The following DPYS variants were observed in gnomAD, a reference collection of about 807,000 sequenced individuals.
DPYS encodes dihydropyrimidinase, also known as dihydropyrimidine amidohydrolase.
DPYS carries 39 observed loss-of-function variants against 50.3 expected under a neutral mutation model. The ratio of observed to expected loss-of-function variants is 0.78; its 90% CI spans 0.60 to 1.01. The LOEUF is 1.01. Ranked by LOEUF, DPYS falls within the 50% of genes least tolerant of loss-of-function variation. The pLI is 0.00. For missense variants in DPYS, 659 were observed against 680.9 expected, an observed-to-expected ratio of 0.97 and a Z score of 0.36; for synonymous variants, 245 against 250.7, an observed-to-expected ratio of 0.98 and a Z score of 0.22.
intron 1 of DPYS, among the ~76,000 whole-genome samples, chr8:104,454,844 G>C (rs543640215): frequency 2.7e-4 from 41 of 152,136 alleles, no homozygotes; most frequent in South Asian, 1.3e-3. Context: ...ATCAGGATTA[G>C]GACCTACACG....
chr8:104,438,581 C>A (rs1326984534), intron 4 of DPYS, among the ~76,000 whole-genome samples: 2 of 152,166 alleles, frequency 1.3e-5, no homozygotes, highest in Admixed American at 1.3e-4. Flanking sequence ...GTTCTCTTCT[C>A]ACTAATTGTT....
chr8:104,427,106 C>G (rs1812752086), intron 6 of DPYS, among the ~76,000 whole-genome samples: 1 of 147,670 alleles, frequency 6.8e-6, no homozygotes, highest in South Asian at 2.2e-4. Context: ...GAGGCTGAGG[C>G]AGGAGAATCA....
intron 1 of DPYS, among the ~76,000 whole-genome samples, chr8:104,458,654 C>A (rs80274300): frequency 0.2 from 31,091 of 152,086 alleles, 3,348 homozygotes; most frequent in Middle Eastern, 0.28. Flanking sequence ...CTAAAAGTCA[C>A]GAGATGGAAT....
intron 5 of DPYS, among the ~76,000 whole-genome samples, 155 bp from the exon 6 acceptor site, chr8:104,428,276 C>G (rs917500010): frequency 6.6e-6 from 1 of 152,192 alleles, no homozygotes; most frequent in African/African-American, 2.4e-5. Context: ...CATATTTCAT[C>G]CCTCTCCTGT....
At chr8:104,450,159 A>AAGGGAGGGAGGGAGGGAGGAAGGG (rs59958002) in intron 2 of DPYS, among the ~76,000 whole-genome samples, 1 of 120,454 alleles carries the variant, frequency 8.3e-6, no homozygotes, top group Non-Finnish European at 1.7e-5. Context: ...GGAAGGGAGG[A>AAGGGAGGGAGGGAGGGAGGAAGGG]AGGGAGGGAG....
intron 7 of DPYS, among the ~76,000 whole-genome samples, chr8:104,409,015 T>C (rs572818852): frequency 1.3e-5 from 2 of 151,356 alleles, no homozygotes; most frequent in East Asian, 4.0e-4. Context: ...GGTTTCACCA[T>C]GTTGGCCAGG....
chr8:104,403,868 T>C lies in DPYS; in HGVS notation c.1236-10877A>G, dbSNP rs1329499091. Among the ~76,000 whole-genome samples the C allele has an allele frequency of 2.0e-5, 3 of 152,138 alleles. No individual in the cohort carries two copies. In the South Asian group the frequency reaches 6.2e-4, roughly 32 times the overall value. The stretch of plus-strand genomic sequence containing the variant: ...ACAAAAATGGGCTGAAGCACTCCTT[T>C]AAAAGTCAGAGAGAACTTCAAGTTC... On this transcript the variant is annotated intron_variant, in intron 7 of 9. Transcript: ENST00000351513.
intron 7 of DPYS, among the ~76,000 whole-genome samples, chr8:104,416,632 C>T (rs919788827): frequency 1.3e-5 from 2 of 151,458 alleles, no homozygotes; most frequent in African/African-American, 4.9e-5. Context: ...AGCAGGAACA[C>T]AGGCTGCTGT....
chr8:104,388,558 C>A (rs1588397461), intron 8 of DPYS, among the ~76,000 whole-genome samples: 1 of 152,142 alleles, frequency 6.6e-6, no homozygotes, highest in Admixed American at 6.6e-5. Context: ...TCTTGAACAT[C>A]CAAGTTGCTC....
intron 7 of DPYS, among the ~76,000 whole-genome samples, chr8:104,422,215 A>G (rs6468927): frequency 0.7 from 105,976 of 152,148 alleles, 37,633 homozygotes; most frequent in African/African-American, 0.81. Flanking sequence ...AATTAGACTG[A>G]AGAGTCTCAC....
At chr8:104,381,766 A>T (rs147310636) in intron 8 of DPYS, among the ~76,000 whole-genome samples, 23 of 151,968 alleles carry the variant, frequency 1.5e-4, no homozygotes, top group African/African-American at 5.3e-4. Context: ...CTTCCACAGA[A>T]TCTCACCTCG....
intron 1 of DPYS, among the ~76,000 whole-genome samples, chr8:104,459,189 C>A (rs978199389): frequency 6.6e-5 from 10 of 152,178 alleles, no homozygotes; most frequent in Non-Finnish European, 1.2e-4. Context: ...GCTCACTTGT[C>A]AGCCAAGTAA....
intron 7 of DPYS, among the ~76,000 whole-genome samples, chr8:104,407,673 C>A (rs1812040790): frequency 1.3e-5 from 2 of 152,102 alleles, no homozygotes; most frequent in Non-Finnish European, 2.9e-5. Flanking sequence ...ACAACGTTTG[C>A]CATATTTTAG....
chr8:104,454,479 A>G, intron 1 of DPYS, among the ~76,000 whole-genome samples: 1 of 152,192 alleles, frequency 6.6e-6, no homozygotes, highest in East Asian at 1.9e-4. Context: ...TGTCCTATAC[A>G]CTTTAAATGG....
chr8:104,402,686 C>T (rs570337162), intron 7 of DPYS, among the ~76,000 whole-genome samples: 2 of 152,242 alleles, frequency 1.3e-5, no homozygotes, highest in South Asian at 4.2e-4. Context: ...CACACAACAT[C>T]CTTCCCGAAA....
At chr8:104,440,771 T>C (rs900546608) in intron 4 of DPYS, among the ~76,000 whole-genome samples, 2 of 150,992 alleles carry the variant, frequency 1.3e-5, no homozygotes, top group African/African-American at 4.9e-5. Context: ...AAAAAAAACA[T>C]AAAACAAAAA....
chr8:104,389,543 T>TA (rs377447824), intron 8 of DPYS, among the ~76,000 whole-genome samples: 7,523 of 149,068 alleles, frequency 0.05, 474 homozygotes, highest in African/African-American at 0.16. Context: ...CCTTTTATTT[T>TA]TTTTTTTTTG....
At chr8:104,461,033 C>G (rs1045294730) in intron 1 of DPYS, among the ~76,000 whole-genome samples, 24 of 151,148 alleles carry the variant, frequency 1.6e-4, no homozygotes, top group African/African-American at 4.6e-4. Context: ...CCTGTAATCC[C>G]AGCACTTTGG....
Position 104,467,030 on chromosome 8 carries a change from C to A in DPYS, c.-110G>T. ...CTGCAAGGTCCCCACCGACAGCCCC[C>A]GAGCTCTGCCTCAGGCTGCAAATCC... On this transcript the variant is annotated 5_prime_UTR_variant, in exon 1 of 10. Coordinates refer to ENST00000351513, the MANE Select transcript of DPYS (RefSeq NM_001385.3). 1.6e-6 allele frequency: 2 copies of A among 1,277,488 alleles called. No individual in the cohort carries two copies. The highest frequency in any genetic ancestry group is 2.0e-6 in the Non-Finnish European group (2 of 992,148). The allele number at this position is 1,277,488 out of a possible 1,614,324, so 79.1% of individuals were successfully genotyped here.
Sources: allele counts gnomAD v4.1 joint callset (sites outside exome capture counted in the v4.1 genomes callset), GRCh38; gene constraint gnomAD v4.1.1; transcripts MANE v1.5; gene names NCBI Gene and HGNC (gene_info 2026-07-23, HGNC 2026-07-21).